TP63: variants seen among roughly 807,000 people sequenced by gnomAD.
TP63 encodes tumor protein p63.
TP63 carries 17 observed loss-of-function variants against 82.8 expected under a neutral mutation model. The observed-to-expected ratio is 0.21, with a 90% CI of 0.14 to 0.31. TP63 has a LOEUF of 0.31. TP63 is among the 10% of genes least tolerant of loss of function. The pLI, the probability that TP63 is intolerant of heterozygous loss-of-function variation, is 1.00. For synonymous variants in TP63, 330 were observed against 321.7 expected (o/e 1.03, Z -0.28); for missense variants, 648 against 895.3 (o/e 0.72, Z 3.52).
chr3:189,826,593 A>G (rs917650925), intron 4 of TP63, among the ~76,000 whole-genome samples: 3 of 152,220 alleles, frequency 2.0e-5, no homozygotes, highest in African/African-American at 4.8e-5. Flanking sequence ...AGTAAGTTGC[A>G]GGATATGTGT....
intron 1 of TP63, among the ~76,000 whole-genome samples, chr3:189,648,749 T>C (rs964729379): frequency 6.8e-6 from 1 of 147,196 alleles, no homozygotes; most frequent in African/African-American, 2.5e-5. Context: ...ACCATTATCC[T>C]GTTTATACGT....
At chr3:189,746,102 A>G (rs1246546950) in intron 3 of TP63, among the ~76,000 whole-genome samples, 4 of 152,118 alleles carry the variant, frequency 2.6e-5, no homozygotes, top group African/African-American at 9.7e-5. Context: ...GGTTTTCTCT[A>G]CAGCACATTA....
chr3:189,698,580 T>G (rs1717566428), intron 1 of TP63, among the ~76,000 whole-genome samples: 1 of 152,210 alleles, frequency 6.6e-6, no homozygotes, highest in African/African-American at 2.4e-5. Flanking sequence ...TATAGATTAC[T>G]CCTTTACATT....
At chr3:189,708,999 T>G (rs554219728) in intron 1 of TP63, among the ~76,000 whole-genome samples, 1 of 152,306 alleles carries the variant, frequency 6.6e-6, no homozygotes, top group Admixed American at 6.5e-5. Flanking sequence ...AGAATATATT[T>G]TACTGTGGTA....
chr3:189,873,163 G>A (rs559915550), intron 10 of TP63, 168 bp downstream of exon 10: 35 of 927,138 alleles, frequency 3.8e-5, no homozygotes, highest in South Asian at 7.1e-5. Flanking sequence ...CCTTTTTTAC[G>A]TGTCTTATTA....
chr3:189,812,830 T>A (rs1251823204), intron 4 of TP63, among the ~76,000 whole-genome samples: 1 of 152,212 alleles, frequency 6.6e-6, no homozygotes. Context: ...CCTTTAGTTG[T>A]ACTAAAGGTA....
At chr3:189,688,699 G>C (rs1388603014) in intron 1 of TP63, among the ~76,000 whole-genome samples, 2 of 152,114 alleles carry the variant, frequency 1.3e-5, no homozygotes, top group Non-Finnish European at 2.9e-5. Context: ...GACAGTATCT[G>C]GCTTCACCAG....
intron 1 of TP63, among the ~76,000 whole-genome samples, chr3:189,682,464 T>A (rs1460142591): frequency 2.0e-5 from 3 of 147,514 alleles, no homozygotes; most frequent in African/African-American, 7.5e-5. Flanking sequence ...AATAGGACGA[T>A]ATTTTGCAAA....
chr3:189,811,228 T>G (rs1310659551), intron 4 of TP63, among the ~76,000 whole-genome samples: 10 of 152,220 alleles, frequency 6.6e-5, no homozygotes. Context: ...AAACCTACTC[T>G]GTTTTCTTAA....
rs567626735 is a variant in TP63 at position 189,896,441 on chromosome 3, T to G, written c.*1939T>G. On this transcript the variant is annotated 3_prime_UTR_variant, in exon 14 of 14. Transcript: ENST00000264731. The stretch of plus-strand genomic sequence containing the variant: ...TTTTAAGAGGGGAGGGAAGGGAAAG[T>G]TTTTTTTTATTATTTTTTTAAAATT... The G allele has an allele frequency of 3.1e-3, 620 of 197,250 alleles. 2 individuals carry two copies. Among genetic ancestry groups the G allele is most frequent in the Middle Eastern group, 8.7e-3 (5 of 576 alleles). 12.2% of individuals were successfully genotyped at this position (197,250 alleles called of 1,614,324 possible).
At chr3:189,673,056 G>T (rs1275467718) in intron 1 of TP63, among the ~76,000 whole-genome samples, 2 of 151,962 alleles carry the variant, frequency 1.3e-5, no homozygotes, top group Admixed American at 1.3e-4. Context: ...GGCCAGGCTT[G>T]TCTTGAACTC....
the TP63 span, among the ~76,000 whole-genome samples, chr3:189,608,726 T>G: frequency 2.6e-5 from 4 of 152,124 alleles, no homozygotes; most frequent in Non-Finnish European, 5.9e-5. Context: ...AGAGCTCTAT[T>G]CAGCAATATC....
the TP63 span, among the ~76,000 whole-genome samples, chr3:189,612,423 T>C: frequency 1.4e-4 from 21 of 152,220 alleles, no homozygotes; most frequent in Non-Finnish European, 2.9e-4. Context: ...ATGTAAGAAG[T>C]GCTTTTCACC....
intron 4 of TP63, among the ~76,000 whole-genome samples, chr3:189,845,485 A>G (rs867094370): frequency 1.3e-5 from 2 of 152,200 alleles, no homozygotes; most frequent in Non-Finnish European, 2.9e-5. Context: ...CCAAAAATCT[A>G]TCAAAAATGT....
At chr3:189,746,322 C>T (rs1721373971) in intron 3 of TP63, among the ~76,000 whole-genome samples, 1 of 151,596 alleles carries the variant, frequency 6.6e-6, no homozygotes, top group Non-Finnish European at 1.5e-5. Flanking sequence ...GCAAAGTTAT[C>T]CTTCATTAAT....
intron 9 of TP63, among the ~76,000 whole-genome samples, chr3:189,870,160 T>C (rs184443945): frequency 6.6e-6 from 1 of 152,272 alleles, no homozygotes; most frequent in East Asian, 1.9e-4. Flanking sequence ...GTTCACAAAA[T>C]TGATAATGCA....
chr3:189,714,951 T>G (rs2108759758), intron 1 of TP63, among the ~76,000 whole-genome samples: 1 of 152,174 alleles, frequency 6.6e-6, no homozygotes, highest in East Asian at 1.9e-4. Context: ...ACTGTTTTAT[T>G]TTCCTCTTGC....
At position 189,809,119 on chromosome 3, in the gene TP63, T is replaced by C. The variant is rs573197675; in HGVS notation, c.579+593T>C. Reference sequence around the variant, plus strand: ...CAGTGAATTATAATTTATTGATATGTATATATTTATTTAATTTGGAAACAT... The same window carrying C: ...CAGTGAATTATAATTTATTGATATGCATATATTTATTTAATTTGGAAACAT... On this transcript the variant is annotated intron_variant, in intron 4 of 13. Transcript: ENST00000264731. Among the ~76,000 whole-genome samples the C allele has an allele frequency of 5.3e-5, 8 of 152,208 alleles. No homozygotes were observed. In the East Asian group the frequency reaches 1.5e-3, roughly 29 times the overall value.
chr3:189,875,593 CATATATATATAT>C (rs774764336), intron 10 of TP63, among the ~76,000 whole-genome samples: 39 of 40,764 alleles, frequency 9.6e-4, no homozygotes, highest in Admixed American at 2.2e-3. Flanking sequence ...AAAATACATA[CATATATATATAT>C]ATATATATAT....
Sources: allele counts gnomAD v4.1 joint callset (sites outside exome capture counted in the v4.1 genomes callset), GRCh38; gene constraint gnomAD v4.1.1; transcripts MANE v1.5; gene names NCBI Gene and HGNC (gene_info 2026-07-23, HGNC 2026-07-21).